Variants in CDKL4 observed in about 807,000 individuals in gnomAD.
CDKL4 encodes the protein cyclin-dependent kinase-like 4.
Under a neutral mutation model 42.0 loss-of-function variants are expected in CDKL4, and 44 were observed. That is an observed-to-expected ratio of 1.05 (90% CI 0.82 to 1.35). The LOEUF (loss-of-function observed/expected upper bound fraction) is 1.35. Ranked by LOEUF, CDKL4 falls within the 40% of genes most tolerant of loss-of-function variation. The pLI is 0.00. For synonymous variants in CDKL4, 120 were observed against 121.6 expected (o/e 0.99, Z 0.09); for missense variants, 393 against 369.9 (o/e 1.06, Z -0.51).
chr2:39,194,753 C>T (rs1676408655), intron 5 of CDKL4, among the ~76,000 whole-genome samples: 1 of 152,020 alleles, frequency 6.6e-6, no homozygotes, highest in African/African-American at 2.4e-5. Context: ...ATTTTTATCT[C>T]TCTGTGTATA....
At chr2:39,227,627 C>T (rs149957383) in intron 2 of CDKL4, among the ~76,000 whole-genome samples, 75 of 152,222 alleles carry the variant, frequency 4.9e-4, no homozygotes, top group African/African-American at 1.7e-3. Context: ...TGCTCCACTG[C>T]CTAAAAGAGC....
chr2:39,235,314 T>C (rs1412467328), intron 1 of CDKL4, among the ~76,000 whole-genome samples: 5 of 152,168 alleles, frequency 3.3e-5, no homozygotes, highest in East Asian at 3.8e-4. Flanking sequence ...GCATTTAATA[T>C]ACTTAAAGAT....
chr2:39,240,677 T>TAAAAAAAAAAAA (rs768356807), intron 1 of CDKL4, among the ~76,000 whole-genome samples: 3 of 87,936 alleles, frequency 3.4e-5, no homozygotes, highest in African/African-American at 4.4e-5. Context: ...AGATGAACAT[T>TAAAAAAAAAAAA]AAAAAAAAAA....
chr2:39,168,985 G>T, the CDKL4 span, among the ~76,000 whole-genome samples: 1 of 152,036 alleles, frequency 6.6e-6, no homozygotes, highest in Non-Finnish European at 1.5e-5. Flanking sequence ...TGGATCTGTT[G>T]ACCTCGTGAT....
chr2:39,222,113 T>C (rs1275666605), intron 3 of CDKL4, among the ~76,000 whole-genome samples: 4 of 152,272 alleles, frequency 2.6e-5, no homozygotes, highest in Admixed American at 6.5e-5. Context: ...ACATGAAGTA[T>C]GCCCTCAAAA....
In CDKL4 at chr2:39,201,688, GACCATTATTCTA is replaced by G. The variant is rs758271990; in HGVS notation, c.454+2827_454+2838del. On this transcript the variant is annotated intron_variant, in intron 5 of 9. Coordinates refer to ENST00000451199, the Ensembl canonical transcript of CDKL4. Reference sequence around the variant, plus strand: ...TTGCAGCAACCTGGATGGAACTGGAGACCATTATTCTAACCATTATTCTAACCATTATTCCTG... The same window carrying G: ...TTGCAGCAACCTGGATGGAACTGGAGACCATTATTCTAACCATTATTCCTG... Among the ~76,000 whole-genome samples, 108 of 152,210 alleles carry G rather than the reference GACCATTATTCTA, an allele frequency of 7.1e-4. 1 individual carries two copies. The highest frequency in any genetic ancestry group is 2.9e-3 in the Admixed American group (44 of 15,296).
chr2:39,222,130 T>C (rs756615286), intron 3 of CDKL4, among the ~76,000 whole-genome samples: 9 of 152,304 alleles, frequency 5.9e-5, no homozygotes, highest in Non-Finnish European at 8.8e-5. Flanking sequence ...AAAAAACTTA[T>C]ACTCTAGTGA....
chr2:39,206,964 A>G (rs575442396), intron 4 of CDKL4, among the ~76,000 whole-genome samples: 2 of 152,324 alleles, frequency 1.3e-5, no homozygotes, highest in South Asian at 4.1e-4. Context: ...CAGAAATGAC[A>G]CTGGTAACAG....
intron 4 of CDKL4, among the ~76,000 whole-genome samples, chr2:39,207,608 T>C (rs955254989): frequency 6.6e-6 from 1 of 152,222 alleles, no homozygotes; most frequent in African/African-American, 2.4e-5. Flanking sequence ...CATCAATATC[T>C]GTCCATTGGC....
In CDKL4 at chr2:39,178,912, T is replaced by C; in HGVS notation, c.927+275A>G. ...AAGTTGTTATATTATGGGTATACGA[T>C]CTTGTGGGTGGGATATCCAATCAGA... On this transcript the variant is annotated intron_variant, in intron 9 of 9. Transcript: ENST00000451199. The C allele has an allele frequency of 6.9e-6, 10 of 1,451,334 alleles. No individual in the cohort carries two copies. The Admixed American group carries it at 1.1e-4, about 17-fold the overall frequency. The allele number at this position is 1,451,334 out of a possible 1,614,324, so 89.9% of individuals were successfully genotyped here. A position where few individuals can be genotyped will look rare whatever the true frequency, so the allele number is the denominator to read the frequency against.
At chr2:39,217,103 T>C (rs57794248) in intron 3 of CDKL4, among the ~76,000 whole-genome samples, 11,177 of 152,154 alleles carry the variant, frequency 0.073, 1,407 homozygotes, top group African/African-American at 0.26. Context: ...TCCAGAAAGA[T>C]AGAGCGCTGC....
chr2:39,225,420 T>C (rs1412911648), intron 3 of CDKL4, among the ~76,000 whole-genome samples: 2 of 151,626 alleles, frequency 1.3e-5, no homozygotes, highest in Non-Finnish European at 2.9e-5. Flanking sequence ...AAAAAAACTA[T>C]TCTTTTAATC....
At chr2:39,190,945 C>G (rs919517339) in intron 5 of CDKL4, among the ~76,000 whole-genome samples, 1 of 152,072 alleles carries the variant, frequency 6.6e-6, no homozygotes, top group African/African-American at 2.4e-5. Context: ...ATTAATTAGT[C>G]AAGATGAGGT....
At chr2:39,174,361 C>A (rs1006740755), downstream of CDKL4, among the ~76,000 whole-genome samples, 125 of 151,034 alleles carry the variant, frequency 8.3e-4, no homozygotes, top group Middle Eastern at 3.4e-3. Flanking sequence ...GATTGCACCA[C>A]TGCACTCCAG....
chr2:39,228,244 T>G (rs1334994515), intron 2 of CDKL4, among the ~76,000 whole-genome samples: 1 of 152,098 alleles, frequency 6.6e-6, no homozygotes, highest in Non-Finnish European at 1.5e-5. Flanking sequence ...CTTAGCTCAG[T>G]GAGGGTGCCA....
intron 1 of CDKL4, among the ~76,000 whole-genome samples, chr2:39,235,216 C>T (rs934024813): frequency 1.3e-5 from 2 of 152,062 alleles, no homozygotes; most frequent in African/African-American, 4.8e-5. Context: ...GAATACTGTA[C>T]CCCATAGTCC....
intron 3 of CDKL4, among the ~76,000 whole-genome samples, chr2:39,215,156 G>T (rs1180730645): frequency 6.6e-6 from 1 of 152,060 alleles, no homozygotes; most frequent in Non-Finnish European, 1.5e-5. Context: ...GCCAACATTT[G>T]GTTTTGCCAA....
chr2:39,246,089 C>T (rs947168759), upstream of CDKL4, among the ~76,000 whole-genome samples: 1 of 152,188 alleles, frequency 6.6e-6, no homozygotes, highest in Non-Finnish European at 1.5e-5. Context: ...TTTGTTTCAG[C>T]ATTAGCAAAA....
chr2:39,210,902 A>G (rs1677548497), intron 4 of CDKL4, among the ~76,000 whole-genome samples: 2 of 152,224 alleles, frequency 1.3e-5, no homozygotes, highest in African/African-American at 4.8e-5. Context: ...TTAACCTAAT[A>G]AAAACTTCAC....
Sources: allele counts gnomAD v4.1 joint callset (sites outside exome capture counted in the v4.1 genomes callset), GRCh38; gene constraint gnomAD v4.1.1; transcripts MANE v1.5; gene names NCBI Gene and HGNC (gene_info 2026-07-23, HGNC 2026-07-21).